The following ST6GALNAC3 variants were observed in gnomAD, a reference collection of about 807,000 sequenced individuals.
ST6GALNAC3 encodes ST6 N-acetylgalactosaminide alpha-2,6-sialyltransferase 3, also known as alpha-N-acetylgalactosaminide alpha-2,6-sialyltransferase 3.
Under a neutral mutation model 32.7 loss-of-function variants are expected in ST6GALNAC3, and 25 were observed. The observed-to-expected ratio is 0.76, with a 90% CI of 0.56 to 1.07. ST6GALNAC3 has a LOEUF of 1.07. Ranked by LOEUF, ST6GALNAC3 falls within the 50% of genes least tolerant of loss-of-function variation. The probability of loss-of-function intolerance (pLI) is 0.00; values close to 1 mark genes in which losing one functional copy is unlikely to be tolerated. For missense variants in ST6GALNAC3, 355 were observed against 382.4 expected, an observed-to-expected ratio of 0.93 and a Z score of 0.60; for synonymous variants, 129 against 133.1, an observed-to-expected ratio of 0.97 and a Z score of 0.21.
At chr1:76,307,881 T>G (rs747947716) in intron 1 of ST6GALNAC3, 5 of 515,268 alleles carry the variant, frequency 9.7e-6, no homozygotes, top group South Asian at 7.1e-5. Context: ...TGGATTTTAT[T>G]TTGGAATAGG....
intron 2 of ST6GALNAC3, among the ~76,000 whole-genome samples, chr1:76,342,726 C>T (rs1648153380): frequency 6.6e-6 from 1 of 151,946 alleles, no homozygotes; most frequent in Non-Finnish European, 1.5e-5. Context: ...TCTCTGCAAC[C>T]TCACTAATAT....
intron 2 of ST6GALNAC3, among the ~76,000 whole-genome samples, chr1:76,396,567 C>G (rs1215482469): frequency 2.0e-5 from 3 of 152,192 alleles, no homozygotes; most frequent in Non-Finnish European, 4.4e-5. Flanking sequence ...GTCTGCTTAG[C>G]TCATTGGAGC....
intron 1 of ST6GALNAC3, among the ~76,000 whole-genome samples, chr1:76,312,490 C>G (rs1386643287): frequency 6.6e-6 from 1 of 151,824 alleles, no homozygotes; most frequent in Non-Finnish European, 1.5e-5. Flanking sequence ...AATAGGCAAC[C>G]TACAGAATGG....
chr1:76,156,757 A>C (rs1570237371), intron 1 of ST6GALNAC3, among the ~76,000 whole-genome samples: 1 of 151,968 alleles, frequency 6.6e-6, no homozygotes, highest in Non-Finnish European at 1.5e-5. Flanking sequence ...TTTGAGACGG[A>C]GTCTCGCTCT....
chr1:76,294,113 T>C (rs1660253615), intron 1 of ST6GALNAC3, among the ~76,000 whole-genome samples: 1 of 152,180 alleles, frequency 6.6e-6, no homozygotes, highest in Non-Finnish European at 1.5e-5. Flanking sequence ...ACGGAATTGC[T>C]AACTATTCTT....
chr1:76,527,750 A>C (rs1322032387), intron 3 of ST6GALNAC3, among the ~76,000 whole-genome samples: 1 of 152,122 alleles, frequency 6.6e-6, no homozygotes, highest in Non-Finnish European at 1.5e-5. Flanking sequence ...TAACCTTGAG[A>C]GCCTTGTGCT....
chr1:76,218,408 A>G (rs2100596451), intron 1 of ST6GALNAC3, among the ~76,000 whole-genome samples: 1 of 152,330 alleles, frequency 6.6e-6, no homozygotes, highest in South Asian at 2.1e-4. Flanking sequence ...TTGGAAAGAA[A>G]GCTCAATCAG....
intron 1 of ST6GALNAC3, among the ~76,000 whole-genome samples, chr1:76,195,622 C>A (rs1196472757): frequency 6.6e-6 from 1 of 152,176 alleles, no homozygotes; most frequent in Non-Finnish European, 1.5e-5. Flanking sequence ...ATTTTACTGA[C>A]CATTGCTTTT....
chr1:76,131,643 G>A (rs1233401482), intron 1 of ST6GALNAC3, among the ~76,000 whole-genome samples: 1 of 152,206 alleles, frequency 6.6e-6, no homozygotes, highest in African/African-American at 2.4e-5. Flanking sequence ...TAGTCTCTCA[G>A]TCTCCCTGTG....
intron 1 of ST6GALNAC3, among the ~76,000 whole-genome samples, chr1:76,274,665 C>T (rs1659034540): frequency 1.3e-5 from 2 of 152,252 alleles, no homozygotes; most frequent in South Asian, 2.1e-4. Flanking sequence ...AATGCTAGCC[C>T]CAGTCCTCTT....
intron 2 of ST6GALNAC3, among the ~76,000 whole-genome samples, chr1:76,314,279 A>C (rs1164309984): frequency 2.0e-5 from 3 of 152,238 alleles, no homozygotes; most frequent in Middle Eastern, 6.8e-3. Flanking sequence ...CAACGTACAT[A>C]TCTCTCCATT....
intron 2 of ST6GALNAC3, among the ~76,000 whole-genome samples, chr1:76,337,750 C>G (rs1411965723): frequency 6.6e-6 from 1 of 152,152 alleles, no homozygotes. Flanking sequence ...TGGGGAGAAT[C>G]TTAAAGGCTT....
At chr1:76,613,531 G>A (rs894791749) in intron 3 of ST6GALNAC3, among the ~76,000 whole-genome samples, 1 of 152,216 alleles carries the variant, frequency 6.6e-6, no homozygotes, top group Non-Finnish European at 1.5e-5. Flanking sequence ...GATATGGTTT[G>A]GATTTGTATC....
intron 1 of ST6GALNAC3, among the ~76,000 whole-genome samples, chr1:76,139,934 C>A (rs926935508): frequency 6.6e-6 from 1 of 152,212 alleles, no homozygotes; most frequent in Admixed American, 6.5e-5. Context: ...GAATCCTCAC[C>A]TGTCTCGAGG....
At chr1:76,452,178 G>A (rs1657454377) in intron 3 of ST6GALNAC3, among the ~76,000 whole-genome samples, 1 of 152,080 alleles carries the variant, frequency 6.6e-6, no homozygotes. Flanking sequence ...TTACATGCTG[G>A]TCTCATGATA....
rs539341382 is a variant in ST6GALNAC3, at chr1:76,599,165, A to G, written c.624-28287A>G. 4.4e-4 allele frequency among the ~76,000 whole-genome samples: 67 copies of G among 152,298 alleles called. 2 individuals carry two copies. Among genetic ancestry groups the G allele is most frequent in the African/African-American group, 1.3e-3 (54 of 41,580 alleles). ...TTTTTCATTATCTGTTCACATTAAA[A>G]TAAATTCTCTCTTGTAATTTTCTTA... On this transcript the variant is annotated intron_variant, in intron 3 of 4. Transcript: ENST00000328299.
intron 1 of ST6GALNAC3, among the ~76,000 whole-genome samples, chr1:76,154,889 T>G (rs2100346123): frequency 6.6e-6 from 1 of 152,204 alleles, no homozygotes; most frequent in Admixed American, 6.5e-5. Context: ...GACTTCCGGG[T>G]TTTTAGGTCA....
intron 2 of ST6GALNAC3, among the ~76,000 whole-genome samples, chr1:76,344,017 G>C (rs1429779061): frequency 6.6e-6 from 1 of 152,230 alleles, no homozygotes; most frequent in Non-Finnish European, 1.5e-5. Flanking sequence ...CCTATTCTGG[G>C]CTCCTGGAAT....
At chr1:76,435,266 T>G (rs1656061362) in intron 3 of ST6GALNAC3, among the ~76,000 whole-genome samples, 1 of 152,170 alleles carries the variant, frequency 6.6e-6, no homozygotes, top group African/African-American at 2.4e-5. Flanking sequence ...GAATCTAAAA[T>G]CAATTTGAGA....
Sources: allele counts gnomAD v4.1 joint callset (sites outside exome capture counted in the v4.1 genomes callset), GRCh38; gene constraint gnomAD v4.1.1; transcripts MANE v1.5; gene names NCBI Gene and HGNC (gene_info 2026-07-23, HGNC 2026-07-21).